TRIM51G: variants seen among roughly 807,000 people sequenced by gnomAD.
TRIM51G encodes the protein tripartite motif-containing protein 51G.
At chr11:48,981,243 A>G in the TRIM51G span, 8 of 1,599,320 alleles carry the variant, frequency 5.0e-6, no homozygotes, top group African/African-American at 5.4e-5. Context: ...CAAGAATTCC[A>G]TGTGTCCTGT....
chr11:48,981,589 C>T, the TRIM51G span: 5 of 1,601,264 alleles, frequency 3.1e-6, no homozygotes, highest in East Asian at 2.2e-5. Flanking sequence ...GAAACAGGGC[C>T]GGCAAAAGCT....
the TRIM51G span, chr11:48,979,000 C>T: frequency 7.4e-7 from 1 of 1,358,522 alleles, no homozygotes; most frequent in East Asian, 2.3e-5. Flanking sequence ...TCCTCGCCCT[C>T]CTTTTGCAGC....
At chr11:48,981,435 G>T in the TRIM51G span, 10 of 1,607,616 alleles carry the variant, frequency 6.2e-6, no homozygotes, top group Admixed American at 1.0e-4. Flanking sequence ...GCTCCTCAGA[G>T]CTAAGGAATT....
At chr11:48,983,019 T>G in the TRIM51G span, among the ~76,000 whole-genome samples, 1 of 104,548 alleles carries the variant, frequency 9.6e-6, no homozygotes, top group Non-Finnish European at 2.0e-5. Flanking sequence ...TCTGTCTCTC[T>G]GGAGAACCCT....
the TRIM51G span, among the ~76,000 whole-genome samples, chr11:48,982,150 C>T: frequency 6.6e-6 from 1 of 151,894 alleles, no homozygotes; most frequent in African/African-American, 2.4e-5. Context: ...AGAAAGGGAC[C>T]CAGAAGCCGG....
At chr11:48,976,034 A>G in the TRIM51G span, 2 of 448,804 alleles carry the variant, frequency 4.5e-6, no homozygotes, top group Non-Finnish European at 8.4e-6. Context: ...AGATACATGT[A>G]ATTAACAGAA....
At chr11:48,978,066 T>C in the TRIM51G span, 7 of 478,942 alleles carry the variant, frequency 1.5e-5, no homozygotes, top group South Asian at 1.1e-4. Context: ...CACTTATACC[T>C]TCAATATCAA....
At chr11:48,980,359 A>G in the TRIM51G span, among the ~76,000 whole-genome samples, 2 of 152,288 alleles carry the variant, frequency 1.3e-5, no homozygotes, top group East Asian at 1.9e-4. Context: ...TTATGTCTTC[A>G]TCAAGACACA....
At chr11:48,977,404 G>A in the TRIM51G span, among the ~76,000 whole-genome samples, 5 of 152,030 alleles carry the variant, frequency 3.3e-5, no homozygotes, top group African/African-American at 1.2e-4. Flanking sequence ...ATCTTTCTTC[G>A]TATTGCTCCA....
the TRIM51G span, chr11:48,981,633 G>A: frequency 6.3e-7 from 1 of 1,599,576 alleles, no homozygotes; most frequent in Non-Finnish European, 8.6e-7. Flanking sequence ...GGTCTATGAA[G>A]TAGTTCATGC....
At chr11:48,980,817 AT>A in the TRIM51G span, 1 of 415,198 alleles carries the variant, frequency 2.4e-6, no homozygotes, top group Non-Finnish European at 4.9e-6. Context: ...TTCCAGAAAC[AT>A]TATGGGTTGA....
the TRIM51G span, among the ~76,000 whole-genome samples, chr11:48,979,888 G>GAT: frequency 2.0e-5 from 3 of 151,182 alleles, no homozygotes; most frequent in African/African-American, 7.3e-5. Flanking sequence ...CAAACAGGAG[G>GAT]ATATATATAT....
the TRIM51G span, among the ~76,000 whole-genome samples, chr11:48,983,590 T>G: frequency 6.6e-6 from 1 of 151,430 alleles, no homozygotes; most frequent in Non-Finnish European, 1.5e-5. Context: ...TGACAACAAT[T>G]AATAACCTCA....
chr11:48,975,559 G>A, the TRIM51G span: 7 of 1,384,118 alleles, frequency 5.1e-6, no homozygotes, highest in Non-Finnish European at 7.2e-6. Context: ...ATTAGGGATG[G>A]TGTATATCAG....
chr11:48,981,116 CT>C, the TRIM51G span: 1 of 1,192,990 alleles, frequency 8.4e-7, no homozygotes, highest in Non-Finnish European at 1.2e-6. Context: ...ATAGAGTTTG[CT>C]TTGTTTCTCC....
the TRIM51G span, chr11:48,981,752 G>A: frequency 2.6e-6 from 4 of 1,521,262 alleles, no homozygotes; most frequent in Non-Finnish European, 3.6e-6. Context: ...GTGAAAATCT[G>A]TGAACATATC....
the TRIM51G span, chr11:48,978,112 C>T: frequency 1.9e-6 from 1 of 513,302 alleles, no homozygotes; most frequent in Non-Finnish European, 4.0e-6. Context: ...CTGAAAGAAT[C>T]TGCTAAAATC....
the TRIM51G span, among the ~76,000 whole-genome samples, chr11:48,982,006 G>A: frequency 6.6e-6 from 1 of 152,048 alleles, no homozygotes; most frequent in East Asian, 1.9e-4. Context: ...ATCTTAAGTG[G>A]TCTAGCATAA....
chr11:48,982,947 G>GTGTGAATATA, the TRIM51G span, among the ~76,000 whole-genome samples: 14 of 86,116 alleles, frequency 1.6e-4, no homozygotes, highest in African/African-American at 5.9e-4. Flanking sequence ...AGTATTTTTG[G>GTGTGAATATA]TATATATACA....
Sources: gnomAD v4.1 joint callset for allele counts (sites outside exome capture counted in the v4.1 genomes callset) on GRCh38, gnomAD v4.1.1 for gene constraint, MANE v1.5 for transcripts, NCBI Gene and HGNC (gene_info 2026-07-23, HGNC 2026-07-21) for gene names.